KCNIP4: variants seen among roughly 807,000 people sequenced by gnomAD.
KCNIP4 encodes potassium voltage-gated channel interacting protein 4.
A neutral mutation model predicts 34.0 loss-of-function variants in KCNIP4; 12 were observed. The ratio of observed to expected loss-of-function variants is 0.35; its 90% confidence interval spans 0.23 to 0.57. The LOEUF is 0.57. Ranked by LOEUF, KCNIP4 falls within the 20% of genes least tolerant of loss-of-function variation. The pLI is 0.83. For synonymous variants in KCNIP4, 124 were observed against 102.2 expected (o/e 1.21, Z -1.29); for missense variants, 238 against 311.7 (o/e 0.76, Z 1.78).
intron 1 of KCNIP4, among the ~76,000 whole-genome samples, chr4:21,620,227 G>C (rs1340801637): frequency 6.6e-6 from 1 of 152,178 alleles, no homozygotes; most frequent in Non-Finnish European, 1.5e-5. Flanking sequence ...TTGTGGCCAG[G>C]CGTGGTGGCT....
chr4:21,733,231 G>A (rs536990094), intron 1 of KCNIP4, among the ~76,000 whole-genome samples: 27 of 152,200 alleles, frequency 1.8e-4, no homozygotes, highest in African/African-American at 6.5e-4. Flanking sequence ...CAACTTCCCA[G>A]TTCAAATTAC....
intron 1 of KCNIP4, among the ~76,000 whole-genome samples, chr4:20,930,955 T>C (rs776586599): frequency 3.3e-5 from 5 of 151,344 alleles, no homozygotes; most frequent in Admixed American, 6.6e-5. Context: ...AGTGTGGAGG[T>C]TCCTAAAGAA....
intron 1 of KCNIP4, among the ~76,000 whole-genome samples, chr4:21,077,735 A>G (rs75297783): frequency 0.012 from 1,785 of 152,264 alleles, 40 homozygotes; most frequent in African/African-American, 0.041. Flanking sequence ...AACATATAAA[A>G]GCATAAAGAG....
chr4:21,153,987 A>C (rs1032032599), intron 1 of KCNIP4, among the ~76,000 whole-genome samples: 1 of 150,908 alleles, frequency 6.6e-6, no homozygotes, highest in Non-Finnish European at 1.5e-5. Context: ...GTAGTTAAAA[A>C]AAAAATGGAA....
intron 1 of KCNIP4, among the ~76,000 whole-genome samples, chr4:21,310,135 C>T (rs1446801464): frequency 3.3e-5 from 5 of 152,152 alleles, no homozygotes; most frequent in African/African-American, 1.2e-4. Context: ...CAGGTTCAAG[C>T]AGTTCTCCTG....
intron 1 of KCNIP4, among the ~76,000 whole-genome samples, chr4:21,465,877 C>A (rs898933308): frequency 6.6e-6 from 1 of 152,188 alleles, no homozygotes; most frequent in African/African-American, 2.4e-5. Flanking sequence ...TGAAACTAAG[C>A]TAGTGACCTG....
intron 1 of KCNIP4, among the ~76,000 whole-genome samples, chr4:21,076,350 C>T (rs1018031622): frequency 1.3e-5 from 2 of 152,118 alleles, no homozygotes; most frequent in Non-Finnish European, 2.9e-5. Context: ...TCTACTCTCT[C>T]ATCCTTTCCT....
intron 1 of KCNIP4, among the ~76,000 whole-genome samples, chr4:20,944,804 C>T (rs186156517): frequency 6.6e-6 from 1 of 152,330 alleles, no homozygotes; most frequent in Non-Finnish European, 1.5e-5. Context: ...GATCTATTCA[C>T]TAACTCATAT....
At chr4:21,380,930 G>A (rs1009755710) in intron 1 of KCNIP4, among the ~76,000 whole-genome samples, 1 of 152,024 alleles carries the variant, frequency 6.6e-6, no homozygotes, top group Non-Finnish European at 1.5e-5. Flanking sequence ...TTGTTGCAAG[G>A]TATATGTTCT....
chr4:21,432,298 C>T (rs986466733), intron 1 of KCNIP4, among the ~76,000 whole-genome samples: 3 of 151,054 alleles, frequency 2.0e-5, no homozygotes, highest in Non-Finnish European at 4.4e-5. Context: ...AATAATCACA[C>T]TTATTTCTCC....
chr4:21,376,054 C>T (rs1280725203), intron 1 of KCNIP4, among the ~76,000 whole-genome samples: 1 of 152,156 alleles, frequency 6.6e-6, no homozygotes, highest in Non-Finnish European at 1.5e-5. Context: ...TTCTTTTACC[C>T]CAGAGTATCT....
At chr4:21,646,633 T>C (rs899507248) in intron 1 of KCNIP4, among the ~76,000 whole-genome samples, 2 of 152,180 alleles carry the variant, frequency 1.3e-5, no homozygotes, top group Non-Finnish European at 2.9e-5. Flanking sequence ...CCATGCCCCA[T>C]GGTTGGCAAA....
At chr4:20,943,170 C>T (rs1196029129) in intron 1 of KCNIP4, among the ~76,000 whole-genome samples, 1 of 152,130 alleles carries the variant, frequency 6.6e-6, no homozygotes, top group African/African-American at 2.4e-5. Flanking sequence ...TTTATTACTA[C>T]ATATCTTTAA....
chr4:21,942,668 T>G (rs1163683681), intron 1 of KCNIP4, among the ~76,000 whole-genome samples: 1 of 152,242 alleles, frequency 6.6e-6, no homozygotes, highest in Non-Finnish European at 1.5e-5. Context: ...AAATGTGAAT[T>G]GTAACTTTGG....
At chr4:21,209,615 CTATT>C (rs1243635893) in intron 1 of KCNIP4, among the ~76,000 whole-genome samples, 6 of 151,586 alleles carry the variant, frequency 4.0e-5, no homozygotes, top group African/African-American at 1.5e-4. Context: ...ATCTATCTAT[CTATT>C]TATCTATTTA....
intron 1 of KCNIP4, among the ~76,000 whole-genome samples, chr4:21,522,410 C>T (rs1192081718): frequency 6.6e-6 from 1 of 151,840 alleles, no homozygotes; most frequent in Non-Finnish European, 1.5e-5. Flanking sequence ...AGAGTCTTGC[C>T]CTGTCACCCA....
At chr4:21,018,801 T>C (rs1016712432) in intron 1 of KCNIP4, among the ~76,000 whole-genome samples, 11 of 152,178 alleles carry the variant, frequency 7.2e-5, no homozygotes, top group Non-Finnish European at 1.2e-4. Flanking sequence ...TGGACTAACA[T>C]AGAAAGTATT....
intron 1 of KCNIP4, among the ~76,000 whole-genome samples, chr4:20,903,894 C>T (rs953674593): frequency 1.3e-5 from 2 of 152,184 alleles, no homozygotes; most frequent in African/African-American, 4.8e-5. Flanking sequence ...TCATCCACGC[C>T]TCCCTCCTCT....
chr4:21,410,479 T>C (rs537543094), intron 1 of KCNIP4, among the ~76,000 whole-genome samples: 1 of 152,280 alleles, frequency 6.6e-6, no homozygotes, highest in Non-Finnish European at 1.5e-5. Flanking sequence ...TTTCATGTTG[T>C]GAAGACATTC....
Sources: allele counts gnomAD v4.1 joint callset (sites outside exome capture counted in the v4.1 genomes callset), GRCh38; gene constraint gnomAD v4.1.1; transcripts MANE v1.5; gene names NCBI Gene and HGNC (gene_info 2026-07-23, HGNC 2026-07-21).